Variants in JPH2 observed in about 807,000 individuals in gnomAD.
JPH2 encodes junctophilin-2.
In JPH2, 38 loss-of-function variants were observed where a neutral mutation model predicts 55.9. The ratio of observed to expected loss-of-function variants is 0.68; its 90% confidence interval spans 0.52 to 0.89. The LOEUF is 0.89. Among genes scored for constraint, JPH2 ranks in the 40% least tolerant of loss-of-function variants. JPH2 has a pLI of 0.00. For synonymous variants in JPH2, 480 were observed against 472.4 expected, an observed-to-expected ratio of 1.02 and a Z score of -0.21; for missense variants, 964 against 1,037.6, an observed-to-expected ratio of 0.93 and a Z score of 0.97.
chr20:44,156,386 C>T (rs2072566736), intron 2 of JPH2, among the ~76,000 whole-genome samples: 1 of 152,156 alleles, frequency 6.6e-6, no homozygotes, highest in African/African-American at 2.4e-5. Flanking sequence ...AAAAAGTGCT[C>T]CCTTTTACTC....
rs544642908 is a variant in JPH2, at chr20:44,135,893, A to AT, written c.1170-17271dup. Among the ~76,000 whole-genome samples, 43 of 152,302 alleles carry AT rather than the reference A, an allele frequency of 2.8e-4. No individual in the cohort carries two copies. The South Asian group carries it at 8.1e-3, about 29-fold the overall frequency. On this transcript the variant is annotated intron_variant, in intron 2 of 5. Transcript: ENST00000372980. ...TAGTCATTGTGATCGTTACTCTGTT[A>AT]TAGACATATTGGAAGGGTTAGGTAC...
At chr20:44,116,604 G>C (rs976408949) in intron 3 of JPH2, among the ~76,000 whole-genome samples, 2 of 152,182 alleles carry the variant, frequency 1.3e-5, no homozygotes, top group African/African-American at 2.4e-5. Flanking sequence ...AACCTCAAAG[G>C]GAGGCTCTGA....
chr20:44,129,386 C>G (rs768476548), intron 2 of JPH2, among the ~76,000 whole-genome samples: 1 of 152,070 alleles, frequency 6.6e-6, no homozygotes, highest in Non-Finnish European at 1.5e-5. Flanking sequence ...GAAACTTCGT[C>G]TCTACTAAAA....
Position 44,186,718 on chromosome 20 carries a change from C to T in JPH2, c.-13G>A, listed in dbSNP as rs1203921887. On this transcript the variant is annotated 5_prime_UTR_variant, in exon 1 of 6. Coordinates refer to ENST00000372980, the MANE Select transcript of JPH2 (RefSeq NM_020433.5). ...GGCCCCCACTCATCTCATCATAGCC[C>T]CTGACAACCTCCCCGTCCTCCAGCG... 3 of 1,597,536 alleles carry T rather than the reference C, an allele frequency of 1.9e-6. No homozygotes were observed. The South Asian group carries it at 3.3e-5, about 18-fold the overall frequency.
rs2072598539 is a variant in JPH2, at chr20:44,160,129, G to A, written c.658C>T (p.Leu220Phe). The change falls in exon 2 of 6, where the codon CTC becomes TTC. Residue 220 changes from leucine to phenylalanine, a missense_variant. Leu to Phe is a conservative substitution (Grantham distance 22). Transcript: ENST00000372980. This position sits in a 1 kb window ranked among gnomAD's most constrained non-coding sequence, Gnocchi z 4.9. The part of the protein sequence containing the change: ...AAARAPKGGG[L>F]FQRGALLGKL... ...CCCAGCAGCGCGCCCCGCTGGAAGA[G>A]GCCGCCGCCCTTGGGCGCCCGCGCG... 6.7e-7 allele frequency: 1 copy of A among 1,490,210 alleles called. No homozygotes were observed. The highest frequency in any genetic ancestry group is 8.9e-7 in the Non-Finnish European group (1 of 1,127,662). The allele number at this position is 1,490,210 out of a possible 1,614,324, so 92.3% of individuals were successfully genotyped here.
intron 1 of JPH2, among the ~76,000 whole-genome samples, chr20:44,163,070 A>G (rs2072627392): frequency 6.6e-6 from 1 of 151,848 alleles, no homozygotes; most frequent in Non-Finnish European, 1.5e-5. Flanking sequence ...ACCTTCTAAC[A>G]TACCATATGA....
chr20:44,124,556 G>A (rs6073340), intron 2 of JPH2, among the ~76,000 whole-genome samples: 41,263 of 151,878 alleles, frequency 0.27, 5,989 homozygotes, highest in Admixed American at 0.43. Flanking sequence ...GCTCACACCT[G>A]TAATCCCAGC....
At chr20:44,176,455 C>A (rs2072734306) in intron 1 of JPH2, among the ~76,000 whole-genome samples, 1 of 151,392 alleles carries the variant, frequency 6.6e-6, no homozygotes, top group African/African-American at 2.4e-5. Flanking sequence ...ATCAAGGGTA[C>A]ATACTGTAGG....
intron 1 of JPH2, among the ~76,000 whole-genome samples, chr20:44,164,645 T>C (rs73106233): frequency 0.019 from 2,877 of 152,026 alleles, 48 homozygotes; most frequent in Non-Finnish European, 0.028. Flanking sequence ...GAAAGCTGTG[T>C]GACTCCAGTT....
chr20:44,141,141 C>G lies in JPH2; in HGVS notation c.1169+18477G>C, dbSNP rs117910333. Among the ~76,000 whole-genome samples the G allele has an allele frequency of 5.4e-3, 822 of 152,288 alleles. 6 individuals are homozygous for G. Among genetic ancestry groups the G allele is most frequent in the Non-Finnish European group, 9.3e-3 (631 of 68,010 alleles). On this transcript the variant is annotated intron_variant, in intron 2 of 5. Transcript: ENST00000372980. ...TGCAAGGATGTTGAGACAGACATTG[C>G]TAGCTGCTCACCAAATATCCATTCT...
chr20:44,115,910 C>T lies in JPH2; in HGVS notation c.1765G>A (p.Val589Ile). 6.4e-7 allele frequency: 1 copy of T among 1,573,236 alleles called. No homozygotes were observed. The highest frequency in any genetic ancestry group is 8.6e-7 in the Non-Finnish European group (1 of 1,166,042). The change falls in exon 4 of 6, where the codon GTC becomes ATC. Residue 589 changes from valine (V) to isoleucine (I), a missense_variant. Physicochemically the swap from Val to Ile is conservative, Grantham distance 29. Coordinates refer to ENST00000372980, the MANE Select transcript of JPH2 (RefSeq NM_020433.5). ...PPFEDQPEPE[V>I]SGSESAPSSP... ...GAGGGCGCGGACTCGGACCCGGAGA[C>T]CTCGGGCTCGGGCTGGTCCTCAAAG...
Position 44,116,300 on chromosome 20 carries a change from C to T in JPH2, c.1375G>A (p.Ala459Thr), listed in dbSNP as rs567872241. ...LLEPPDRGAG[A>T]AGLPQPPRES... is the part of the protein sequence containing the mutation. ...CGGGGCGGCTGTGGGAGGCCCGCTG[C>T]GCCGGCGCCCCGGTCGGGGGGCTCC... is the stretch of plus-strand genomic sequence containing the variant. The change falls in exon 4 of 6, where the codon GCA (alanine) becomes ACA (threonine). Residue 459 changes from alanine (A) to threonine (T), a missense_variant. Coordinates refer to ENST00000372980, the MANE Select transcript of JPH2 (RefSeq NM_020433.5). 3.0e-5 allele frequency: 46 copies of T among 1,540,344 alleles called. No individual in the cohort carries two copies. Among genetic ancestry groups the T allele is most frequent in the South Asian group, 2.4e-4 (20 of 83,630 alleles).
intron 2 of JPH2, among the ~76,000 whole-genome samples, chr20:44,122,724 C>T (rs1329741472): frequency 2.0e-5 from 3 of 152,002 alleles, no homozygotes; most frequent in South Asian, 2.1e-4. Flanking sequence ...TTGATGATGA[C>T]GATGATGGGG....
Position 44,159,856 on chromosome 20 carries a change from C to T in JPH2, c.931G>A (p.Gly311Ser), listed in dbSNP as rs563382652. Residue 311 changes from glycine (G) to serine (S), a missense_variant, in exon 2 of 6, where the codon GGC (glycine) becomes AGC (serine). Coordinates refer to ENST00000372980, the MANE Select transcript of JPH2 (RefSeq NM_020433.5). The surrounding 1 kb of genome is among the most constrained non-coding windows in gnomAD (Gnocchi z 5.7). ...SGFGVSERSSGLRYEGEWLDN... is the reference protein window; with the variant it reads ...SGFGVSERSSSLRYEGEWLDN... ...AGCCACTCGCCCTCGTAGCGGAGGC[C>T]ACTGGAGCGTTCGCTCACGCCGAAG... 5.0e-6 allele frequency: 8 copies of T among 1,613,560 alleles called. No homozygotes were observed. The highest frequency in any genetic ancestry group is 6.8e-6 in the Non-Finnish European group (8 of 1,179,880).
In JPH2 at chr20:44,106,784, C is replaced by T. The variant is rs967952070; in HGVS notation, c.*6734G>A. On this transcript the variant is annotated 3_prime_UTR_variant, in exon 6 of 6. Coordinates refer to ENST00000372980, the MANE Select transcript of JPH2 (RefSeq NM_020433.5). ...CTTATTCACTACCACGAGAACGGCA[C>T]GGGAAAGGCTTGCCCCCATGATTCA... 5.1e-4 allele frequency among the ~76,000 whole-genome samples: 77 copies of T among 152,044 alleles called. No homozygotes were observed. The highest frequency in any genetic ancestry group is 1.7e-3 in the African/African-American group (72 of 41,374).
At chr20:44,116,925 G>A (rs2072197448) in intron 3 of JPH2, among the ~76,000 whole-genome samples, 1 of 152,138 alleles carries the variant, frequency 6.6e-6, no homozygotes, top group Admixed American at 6.5e-5. Context: ...GCCTCCTTTG[G>A]CCTCCTTTCT....
chr20:44,129,746 A>G (rs958031943), intron 2 of JPH2, among the ~76,000 whole-genome samples: 13 of 152,104 alleles, frequency 8.5e-5, no homozygotes, highest in Non-Finnish European at 1.6e-4. Context: ...GGATCTTGAG[A>G]TAGATCATCC....
At position 44,165,610 on chromosome 20, in the gene JPH2, A is replaced by AAG. The variant is rs200156588; in HGVS notation, c.380-5204_380-5203insCT. On this transcript the variant is annotated intron_variant, in intron 1 of 5. Coordinates refer to ENST00000372980, the MANE Select transcript of JPH2 (RefSeq NM_020433.5). ...AGAAGAAAAGCTGAAGTCCTTAGTGACCCACAGGCCCTACCTGACCTCATC... is the reference window on the plus strand; with the variant it reads ...AGAAGAAAAGCTGAAGTCCTTAGTGAAGCCCACAGGCCCTACCTGACCTCATC... 4.1e-3 allele frequency among the ~76,000 whole-genome samples: 627 copies of AAG among 152,220 alleles called. 11 individuals carry two copies. The highest frequency in any genetic ancestry group is 0.027 in the East Asian group (139 of 5,180).
intron 1 of JPH2, among the ~76,000 whole-genome samples, chr20:44,180,960 C>A (rs929390448): frequency 1.3e-5 from 2 of 151,930 alleles, no homozygotes; most frequent in Non-Finnish European, 2.9e-5. Flanking sequence ...ATAACTCTTT[C>A]AGGGCTGGGG....
Sources: gnomAD v4.1 joint callset for allele counts (sites outside exome capture counted in the v4.1 genomes callset) on GRCh38, gnomAD v4.1.1 for gene constraint, Gnocchi (gnomAD v3.1) non-coding constraint, MANE v1.5 for transcripts, NCBI Gene and HGNC (gene_info 2026-07-23, HGNC 2026-07-21) for gene names.